Variants in RBFOX1 observed in about 807,000 individuals in gnomAD.
The protein encoded by RBFOX1 is RNA binding protein fox-1 homolog 1.
In RBFOX1, 8 loss-of-function variants were observed where a neutral mutation model predicts 57.7. The ratio of observed to expected loss-of-function variants is 0.14; its 90% CI spans 0.08 to 0.25. The LOEUF is 0.25. RBFOX1 is among the 10% of genes least tolerant of loss of function. The probability of loss-of-function intolerance (pLI) is 1.00; values close to 1 mark genes in which losing one functional copy is unlikely to be tolerated. For missense variants in RBFOX1, 611 were observed against 548.5 expected (o/e 1.11, Z -1.14); for synonymous variants, 326 against 222.4 (o/e 1.47, Z -4.15).
At chr16:6,665,887 G>A (rs530148447) in intron 3 of RBFOX1, among the ~76,000 whole-genome samples, 8 of 151,956 alleles carry the variant, frequency 5.3e-5, no homozygotes, top group South Asian at 4.2e-4. Flanking sequence ...GTTTGACCAC[G>A]TCCCCACCCA....
intron 1 of RBFOX1, among the ~76,000 whole-genome samples, chr16:5,313,432 C>T (rs190884177): frequency 2.4e-4 from 37 of 152,278 alleles, no homozygotes; most frequent in African/African-American, 8.4e-4. Context: ...TCACCAGGTC[C>T]TTTCCTGTAG....
intron 15 of RBFOX1, 70 bp downstream of exon 15, chr16:7,709,201 T>A: frequency 7.1e-7 from 1 of 1,413,422 alleles, no homozygotes; most frequent in Non-Finnish European, 9.9e-7. Context: ...GGGACCTCAG[T>A]ACGGGTTGAC....
chr16:7,262,271 A>G (rs182278354), intron 4 of RBFOX1, among the ~76,000 whole-genome samples: 1 of 151,782 alleles, frequency 6.6e-6, no homozygotes, highest in Admixed American at 6.6e-5. Flanking sequence ...CTGTTGTTAA[A>G]TCATTCTAAT....
At chr16:5,677,822 A>G (rs7205137) in intron 3 of RBFOX1, among the ~76,000 whole-genome samples, 87,002 of 152,060 alleles carry the variant, frequency 0.57, 28,676 homozygotes, top group Non-Finnish European at 0.75. Context: ...TGTGTTCTGG[A>G]GGAACGTGTA....
chr16:6,743,642 C>G (rs56244058), intron 3 of RBFOX1, among the ~76,000 whole-genome samples: 36,762 of 151,418 alleles, frequency 0.24, 5,015 homozygotes, highest in Non-Finnish European at 0.31. Flanking sequence ...ACGTGGGAGG[C>G]TGAGGTGTCA....
intron 3 of RBFOX1, among the ~76,000 whole-genome samples, chr16:7,034,434 C>A (rs533538971): frequency 6.6e-6 from 1 of 152,040 alleles, no homozygotes; most frequent in African/African-American, 2.4e-5. Context: ...AGAGTCGCTG[C>A]CCTCTGCTTC....
intron 4 of RBFOX1, among the ~76,000 whole-genome samples, chr16:7,084,042 T>A (rs568989245): frequency 2.6e-4 from 39 of 152,196 alleles, no homozygotes; most frequent in African/African-American, 9.4e-4. Context: ...ATCTTTCAGG[T>A]CATTTACCCT....
intron 4 of RBFOX1, among the ~76,000 whole-genome samples, chr16:7,436,239 G>C (rs1048308621): frequency 2.3e-4 from 35 of 152,120 alleles, no homozygotes; most frequent in African/African-American, 7.7e-4. Flanking sequence ...TTTTCTATTT[G>C]ACAATGAATC....
chr16:7,217,834 A>G (rs2092340095), intron 4 of RBFOX1, among the ~76,000 whole-genome samples: 1 of 152,154 alleles, frequency 6.6e-6, no homozygotes, highest in African/African-American at 2.4e-5. Context: ...CAGCATTGTC[A>G]CTACTCACTG....
intron 3 of RBFOX1, among the ~76,000 whole-genome samples, chr16:6,770,113 C>T (rs561226668): frequency 5.3e-5 from 8 of 152,186 alleles, no homozygotes; most frequent in Non-Finnish European, 7.3e-5. Flanking sequence ...AAACAAGGAA[C>T]TTGTATTAAG....
At chr16:5,592,054 A>C (rs772550107) in intron 2 of RBFOX1, among the ~76,000 whole-genome samples, 10 of 152,016 alleles carry the variant, frequency 6.6e-5, no homozygotes, top group East Asian at 1.9e-4. Context: ...CCTTATTTGC[A>C]TTTCTTTTAT....
intron 1 of RBFOX1, among the ~76,000 whole-genome samples, chr16:5,284,782 T>TTTTTTTTTTTC (rs2063353549): frequency 8.1e-6 from 1 of 124,176 alleles, no homozygotes; most frequent in Non-Finnish European, 1.7e-5. Context: ...TTTTTTTTTT[T>TTTTTTTTTTTC]ACTTGTAGTA....
intron 2 of RBFOX1, among the ~76,000 whole-genome samples, chr16:5,512,591 C>T (rs2043641319): frequency 6.6e-6 from 1 of 152,122 alleles, no homozygotes; most frequent in Admixed American, 6.5e-5. Flanking sequence ...ATCTCTGGAC[C>T]TTAGTTGTTG....
chr16:7,350,454 A>C (rs2097107907), intron 4 of RBFOX1, among the ~76,000 whole-genome samples: 1 of 152,218 alleles, frequency 6.6e-6, no homozygotes, highest in Non-Finnish European at 1.5e-5. Flanking sequence ...AGGGCATTGC[A>C]GGCAGTTTAG....
chr16:6,187,476 G>A (rs1195309651), intron 1 of RBFOX1, among the ~76,000 whole-genome samples: 1 of 152,126 alleles, frequency 6.6e-6, no homozygotes, highest in East Asian at 1.9e-4. Context: ...CATTTTCTAA[G>A]CTTTTCTAAT....
At chr16:6,530,431 C>G (rs2096641332) in intron 2 of RBFOX1, among the ~76,000 whole-genome samples, 1 of 152,152 alleles carries the variant, frequency 6.6e-6, no homozygotes, top group African/African-American at 2.4e-5. Flanking sequence ...GCTGTAGCAA[C>G]ATTGTTGCTA....
chr16:6,085,104 C>T (rs6500752), intron 1 of RBFOX1, among the ~76,000 whole-genome samples: 64,938 of 151,882 alleles, frequency 0.43, 15,752 homozygotes, highest in Non-Finnish European at 0.56. Flanking sequence ...TGGGTGAGGG[C>T]GGGGAGTCTT....
At chr16:5,777,939 C>A (rs1024019407) in intron 3 of RBFOX1, among the ~76,000 whole-genome samples, 2 of 152,120 alleles carry the variant, frequency 1.3e-5, no homozygotes, top group African/African-American at 4.8e-5. Flanking sequence ...ATTTATTCTT[C>A]ATAACCACCA....
chr16:6,105,410 G>C (rs771153888), intron 1 of RBFOX1, among the ~76,000 whole-genome samples: 7 of 151,882 alleles, frequency 4.6e-5, no homozygotes, highest in Non-Finnish European at 1.0e-4. Context: ...TCAGAGTTTT[G>C]TTCATCAGAA....
Sources: gnomAD v4.1 joint callset for allele counts (sites outside exome capture counted in the v4.1 genomes callset) on GRCh38, gnomAD v4.1.1 for gene constraint, MANE v1.5 for transcripts, NCBI Gene and HGNC (gene_info 2026-07-23, HGNC 2026-07-21) for gene names.